The following CADM2 variants were observed in gnomAD, a reference collection of about 807,000 sequenced individuals.
The protein encoded by CADM2 is immunoglobulin superfamily member 4D.
In CADM2, 12 loss-of-function variants were observed where a neutral mutation model predicts 49.8. The ratio of observed to expected loss-of-function variants is 0.24; its 90% CI spans 0.15 to 0.39. The LOEUF (loss-of-function observed/expected upper bound fraction) is 0.39, where lower values mean the gene tolerates loss of function less well. CADM2 is among the 10% of genes least tolerant of loss of function. The pLI is 1.00. For synonymous variants in CADM2, 214 were observed against 175.4 expected (o/e 1.22, Z -1.74); for missense variants, 378 against 492.3 (o/e 0.77, Z 2.20).
rs543243267 is a variant in CADM2, at chr3:85,035,173, G to C, written c.61+75505G>C. On this transcript the variant is annotated intron_variant, in intron 1 of 9. Transcript: ENST00000383699. ...TAATTTGCATTTTTCTAATGATAGT[G>C]ATTTTGAGCACCTTTTCGTCTACCT... Among the ~76,000 whole-genome samples the C allele has an allele frequency of 2.6e-5, 4 of 152,176 alleles. No individual in the cohort carries two copies. In the East Asian group the frequency reaches 7.7e-4, roughly 29 times the overall value.
chr3:85,267,293 G>A (rs540515417), intron 1 of CADM2, among the ~76,000 whole-genome samples: 1 of 151,780 alleles, frequency 6.6e-6, no homozygotes, highest in African/African-American at 2.4e-5. Flanking sequence ...GTTACAGTTG[G>A]CATTTAAGGA....
intron 1 of CADM2, among the ~76,000 whole-genome samples, chr3:85,627,356 A>G (rs1232517680): frequency 6.6e-6 from 1 of 151,786 alleles, no homozygotes; most frequent in Non-Finnish European, 1.5e-5. Context: ...TCCTTATAAG[A>G]CTCTGATTGT....
At chr3:85,279,314 ACTCT>A (rs1303087737) in intron 1 of CADM2, among the ~76,000 whole-genome samples, 3 of 151,468 alleles carry the variant, frequency 2.0e-5, no homozygotes, top group Non-Finnish European at 4.4e-5. Flanking sequence ...TGGATCAGTG[ACTCT>A]CTATGCAAAC....
At chr3:85,519,317 C>G (rs943717758) in intron 1 of CADM2, among the ~76,000 whole-genome samples, 1 of 151,908 alleles carries the variant, frequency 6.6e-6, no homozygotes, top group Non-Finnish European at 1.5e-5. Flanking sequence ...TGTACTTGAG[C>G]GATATATTTC....
At chr3:85,931,671 C>T (rs1028902562) in intron 6 of CADM2, among the ~76,000 whole-genome samples, 15 of 151,746 alleles carry the variant, frequency 9.9e-5, no homozygotes, top group Non-Finnish European at 1.8e-4. Flanking sequence ...TTTAAAAATA[C>T]GTAAGAATTA....
At chr3:85,848,048 T>C (rs2074953139) in intron 3 of CADM2, among the ~76,000 whole-genome samples, 1 of 152,126 alleles carries the variant, frequency 6.6e-6, no homozygotes, top group East Asian at 1.9e-4. Flanking sequence ...CAATTTTCTT[T>C]TTATACTCAT....
Position 85,545,616 on chromosome 3 carries a change from C to G in CADM2, c.62-180906C>G, listed in dbSNP as rs367576784. Among the ~76,000 whole-genome samples the G allele has an allele frequency of 3.9e-4, 60 of 152,214 alleles. No individual in the cohort carries two copies. In the East Asian group the frequency reaches 6.2e-3, roughly 16 times the overall value. On this transcript the variant is annotated intron_variant, in intron 1 of 9. Coordinates refer to ENST00000383699, the MANE Select transcript of CADM2 (RefSeq NM_001167675.2). ...GCTCAAGATTTAAATATCATGTTTC[C>G]TAGATGCTCTGAAACTATGAGGTCT... is the stretch of plus-strand genomic sequence containing the variant.
chr3:85,761,005 T>C lies in CADM2; in HGVS notation c.88+34457T>C, dbSNP rs891088978. ...CATGAGTCCTACTGTTAGTATTTTA[T>C]AGTATTAGAGTTAATGCCTTGGCCA... On this transcript the variant is annotated intron_variant, in intron 2 of 9. Coordinates refer to ENST00000383699, the MANE Select transcript of CADM2 (RefSeq NM_001167675.2). Among the ~76,000 whole-genome samples, 24 of 152,322 alleles carry C rather than the reference T, an allele frequency of 1.6e-4. No individual in the cohort carries two copies. In the South Asian group the frequency reaches 4.6e-3, roughly 29 times the overall value.
intron 8 of CADM2, among the ~76,000 whole-genome samples, chr3:86,048,958 C>A (rs969691985): frequency 6.6e-6 from 1 of 152,060 alleles, no homozygotes; most frequent in African/African-American, 2.4e-5. Context: ...ATCAGGGTCT[C>A]GTTTTTATGG....
chr3:85,096,523 T>G (rs1265471279), intron 1 of CADM2, among the ~76,000 whole-genome samples: 1 of 152,170 alleles, frequency 6.6e-6, no homozygotes, highest in African/African-American at 2.4e-5. Context: ...AAGTATTTGA[T>G]TTATAAGTTT....
At chr3:85,357,714 G>GGAAGGTAA (rs2031992100) in intron 1 of CADM2, among the ~76,000 whole-genome samples, 1 of 151,966 alleles carries the variant, frequency 6.6e-6, no homozygotes, top group Admixed American at 6.6e-5. Context: ...TTCAGGGCCT[G>GGAAGGTAA]GAAGGTAAGA....
At chr3:85,174,849 TG>T (rs2040733837) in intron 1 of CADM2, among the ~76,000 whole-genome samples, 1 of 152,160 alleles carries the variant, frequency 6.6e-6, no homozygotes, top group Non-Finnish European at 1.5e-5. Context: ...ACATCATTTG[TG>T]TCATACGTTT....
At chr3:85,918,048 C>T (rs1478724890) in intron 6 of CADM2, among the ~76,000 whole-genome samples, 2 of 150,674 alleles carry the variant, frequency 1.3e-5, no homozygotes, top group Admixed American at 1.3e-4. Flanking sequence ...TTCTTATCAG[C>T]TTGGGCTTAG....
chr3:85,390,428 G>A (rs9824386), intron 1 of CADM2, among the ~76,000 whole-genome samples: 131,877 of 152,018 alleles, frequency 0.87, 57,336 homozygotes, highest in East Asian at 0.95. Flanking sequence ...CATTGATGCT[G>A]CTATATATCT....
chr3:85,130,165 T>C (rs1185077866), intron 1 of CADM2, among the ~76,000 whole-genome samples: 1 of 152,220 alleles, frequency 6.6e-6, no homozygotes, highest in Non-Finnish European at 1.5e-5. Context: ...GAGACTGGGT[T>C]TACAGTAATT....
chr3:85,660,464 T>C (rs1242153147), intron 1 of CADM2, among the ~76,000 whole-genome samples: 1 of 151,192 alleles, frequency 6.6e-6, no homozygotes, highest in African/African-American at 2.4e-5. Context: ...TAGCTCAAAA[T>C]GAACAAATTT....
intron 1 of CADM2, among the ~76,000 whole-genome samples, chr3:85,250,188 T>C (rs1386627303): frequency 6.6e-6 from 1 of 151,676 alleles, no homozygotes; most frequent in African/African-American, 2.4e-5. Context: ...GAGTAAAATA[T>C]TTTCAGTAAC....
chr3:85,109,939 C>A (rs1437100381), intron 1 of CADM2, among the ~76,000 whole-genome samples: 1 of 151,806 alleles, frequency 6.6e-6, no homozygotes, highest in Non-Finnish European at 1.5e-5. Flanking sequence ...TGTATCAAAA[C>A]GCTTGTCAAA....
intron 1 of CADM2, among the ~76,000 whole-genome samples, chr3:85,224,178 T>G (rs1033980807): frequency 3.3e-5 from 5 of 152,132 alleles, no homozygotes; most frequent in African/African-American, 1.2e-4. Context: ...GGAATCGCCA[T>G]GCTGTCTTCC....
Sources: gnomAD v4.1 joint callset for allele counts (sites outside exome capture counted in the v4.1 genomes callset) on GRCh38, gnomAD v4.1.1 for gene constraint, MANE v1.5 for transcripts, NCBI Gene and HGNC (gene_info 2026-07-23, HGNC 2026-07-21) for gene names.